The following AUTS2 variants were observed in gnomAD, a reference collection of about 807,000 sequenced individuals.
AUTS2 encodes the protein activator of transcription and developmental regulator AUTS2.
In AUTS2, 17 loss-of-function variants were observed where a neutral mutation model predicts 112.4. The observed-to-expected ratio is 0.15, with a 90% CI of 0.10 to 0.23. AUTS2 has a LOEUF of 0.23. Among genes scored for constraint, AUTS2 ranks in the 10% least tolerant of loss-of-function variants. AUTS2 has a pLI of 1.00. For missense variants in AUTS2, 1,510 were observed against 1,701.6 expected, an observed-to-expected ratio of 0.89 and a Z score of 1.98; for synonymous variants, 751 against 702.7, an observed-to-expected ratio of 1.07 and a Z score of -1.09.
intron 1 of AUTS2, among the ~76,000 whole-genome samples, chr7:69,614,249 A>G (rs991445497): frequency 2.6e-5 from 4 of 152,126 alleles, no homozygotes; most frequent in African/African-American, 7.2e-5. Context: ...TGAATTTTCT[A>G]AAGATTTCTA....
intron 2 of AUTS2, among the ~76,000 whole-genome samples, chr7:70,074,809 T>G (rs1030635282): frequency 3.1e-4 from 47 of 152,204 alleles, no homozygotes; most frequent in Admixed American, 1.1e-3. Flanking sequence ...GGCCATGACC[T>G]GCCTTAAGTA....
intron 1 of AUTS2, among the ~76,000 whole-genome samples, chr7:69,677,262 A>G (rs1488158955): frequency 2.0e-5 from 3 of 152,156 alleles, no homozygotes; most frequent in Non-Finnish European, 4.4e-5. Context: ...CCATCACTCT[A>G]CCTTGACTAA....
intron 4 of AUTS2, among the ~76,000 whole-genome samples, chr7:70,329,488 T>C (rs948947208): frequency 2.7e-4 from 41 of 152,080 alleles, no homozygotes; most frequent in African/African-American, 9.4e-4. Flanking sequence ...TATGAAGTGG[T>C]ACCTCATTGT....
intron 1 of AUTS2, among the ~76,000 whole-genome samples, chr7:69,840,474 G>A (rs1791927312): frequency 6.6e-6 from 1 of 152,186 alleles, no homozygotes; most frequent in Non-Finnish European, 1.5e-5. Context: ...GTGGAGATTA[G>A]GCAAATAACT....
intron 4 of AUTS2, among the ~76,000 whole-genome samples, chr7:70,168,653 T>C (rs1020792581): frequency 6.6e-6 from 1 of 152,212 alleles, no homozygotes; most frequent in Admixed American, 6.5e-5. Context: ...TGTCTAGATG[T>C]TTTTGAAGAA....
chr7:70,060,473 G>T (rs538186825), intron 2 of AUTS2, among the ~76,000 whole-genome samples: 2 of 152,148 alleles, frequency 1.3e-5, no homozygotes, highest in African/African-American at 4.8e-5. Flanking sequence ...TGTTGTAAGC[G>T]AGAAAGACTA....
chr7:70,670,943 G>A (rs574635541), intron 5 of AUTS2, among the ~76,000 whole-genome samples: 5 of 152,238 alleles, frequency 3.3e-5, no homozygotes, highest in East Asian at 1.9e-4. Context: ...AGGCCGAGGC[G>A]GGCGGATCAC....
chr7:70,663,701 G>T (rs1297622691), intron 5 of AUTS2, among the ~76,000 whole-genome samples: 1 of 152,082 alleles, frequency 6.6e-6, no homozygotes, highest in Non-Finnish European at 1.5e-5. Context: ...ACTAGTGAAA[G>T]GCAGGGGTGG....
At chr7:70,640,432 A>AAAC in intron 5 of AUTS2, among the ~76,000 whole-genome samples, 1 of 151,190 alleles carries the variant, frequency 6.6e-6, no homozygotes, top group East Asian at 1.9e-4. Flanking sequence ...AAAAAAAAAA[A>AAAC]AAAAAAAAAA....
chr7:70,700,329 G>A (rs1809382600), intron 6 of AUTS2, among the ~76,000 whole-genome samples: 1 of 152,132 alleles, frequency 6.6e-6, no homozygotes, highest in East Asian at 1.9e-4. Context: ...AGGTTTCTTT[G>A]TGTACACTAA....
chr7:70,341,288 CA>C (rs1791253251), intron 4 of AUTS2, among the ~76,000 whole-genome samples: 1 of 152,168 alleles, frequency 6.6e-6, no homozygotes, highest in African/African-American at 2.4e-5. Flanking sequence ...CGGACCGCAG[CA>C]TAAAAGGCAC....
At chr7:69,654,201 C>G (rs1795414242) in intron 1 of AUTS2, among the ~76,000 whole-genome samples, 2 of 152,188 alleles carry the variant, frequency 1.3e-5, no homozygotes, top group African/African-American at 4.8e-5. Flanking sequence ...CATAAGCCCA[C>G]TTTTTATTCT....
rs1377374640 is a variant in AUTS2, at chr7:69,899,542, C to T, written c.522+44C>T. ...GCTCTTTCCTGTGGCGGCAAAATCC[C>T]TTCCTTAGGTGCTTCCTCCACTGTG... is the stretch of plus-strand genomic sequence containing the variant. On this transcript the variant is annotated intron_variant, in intron 2 of 18. Coordinates refer to ENST00000342771, the MANE Select transcript of AUTS2 (RefSeq NM_015570.4). 7 of 1,582,702 alleles carry T rather than the reference C, an allele frequency of 4.4e-6. No homozygotes were observed. In the East Asian group the frequency reaches 1.3e-4, roughly 30 times the overall value.
intron 1 of AUTS2, among the ~76,000 whole-genome samples, chr7:69,846,831 C>G (rs1792223879): frequency 6.6e-6 from 1 of 152,152 alleles, no homozygotes. Context: ...GCCTTGGCCT[C>G]CAAAGTGCTG....
intron 1 of AUTS2, among the ~76,000 whole-genome samples, chr7:69,793,661 G>T (rs1301671811): frequency 2.0e-5 from 3 of 152,212 alleles, no homozygotes; most frequent in East Asian, 3.9e-4. Context: ...AGAGAATTTT[G>T]AAAAACCCCA....
chr7:70,669,779 T>C, intron 5 of AUTS2, among the ~76,000 whole-genome samples: 1 of 152,212 alleles, frequency 6.6e-6, no homozygotes, highest in East Asian at 1.9e-4. Context: ...TGATTCTTCT[T>C]TGGCACAAGG....
chr7:70,117,127 GTTTTTTTTTGTT>G (rs1805416969), intron 2 of AUTS2, among the ~76,000 whole-genome samples: 5 of 62,782 alleles, frequency 8.0e-5, no homozygotes, highest in South Asian at 5.0e-4. Context: ...GTTTTTTTTT[GTTTTTTTTTGTT>G]TTTTTTTTTG....
chr7:69,602,439 T>C (rs1792488108), intron 1 of AUTS2, among the ~76,000 whole-genome samples: 1 of 152,168 alleles, frequency 6.6e-6, no homozygotes, highest in Admixed American at 6.5e-5. Flanking sequence ...TACTTAAAAT[T>C]CTGTAGAAAA....
intron 5 of AUTS2, among the ~76,000 whole-genome samples, chr7:70,613,833 C>A (rs1442776010): frequency 6.6e-6 from 1 of 152,246 alleles, no homozygotes; most frequent in Non-Finnish European, 1.5e-5. Flanking sequence ...TAGTTAATCA[C>A]TCTTGTGGTC....
Sources: allele counts gnomAD v4.1 joint callset (sites outside exome capture counted in the v4.1 genomes callset), GRCh38; gene constraint gnomAD v4.1.1; transcripts MANE v1.5; gene names NCBI Gene and HGNC (gene_info 2026-07-23, HGNC 2026-07-21).